Variants in SCAND3 observed in about 807,000 individuals in gnomAD.
SCAND3 encodes SCAN domain containing 3.
At chr6:28,572,047 A>G in the SCAND3 span, 27 of 1,613,952 alleles carry the variant, frequency 1.7e-5, 1 homozygote, top group Admixed American at 6.7e-5. This position sits in a 1 kb window ranked among gnomAD's most constrained non-coding sequence, Gnocchi z 4.1. Flanking sequence ...TAAAGTAGAG[A>G]ATCCGGTCTC....
At chr6:28,604,063 C>T in the SCAND3 span, among the ~76,000 whole-genome samples, 1 of 152,208 alleles carries the variant, frequency 6.6e-6, no homozygotes, top group African/African-American at 2.4e-5. Context: ...AGAAGTAGCA[C>T]AGCATCACTG....
chr6:28,593,294 A>G, the SCAND3 span, among the ~76,000 whole-genome samples: 2 of 152,218 alleles, frequency 1.3e-5, no homozygotes, highest in African/African-American at 2.4e-5. Flanking sequence ...ATGGCAATAC[A>G]TATAAAAAAA....
the SCAND3 span, chr6:28,587,025 G>A: frequency 4.4e-5 from 16 of 366,892 alleles, no homozygotes; most frequent in East Asian, 6.1e-4. Flanking sequence ...ACAGAAAACC[G>A]AGGTTATGAC....
At chr6:28,573,990 A>T in the SCAND3 span, among the ~76,000 whole-genome samples, 243 of 152,306 alleles carry the variant, frequency 1.6e-3, 9 homozygotes, top group Non-Finnish European at 4.4e-5. Context: ...AGTTTTATAC[A>T]TCTTTGGGTT....
chr6:28,596,840 G>T, the SCAND3 span, among the ~76,000 whole-genome samples: 1 of 152,034 alleles, frequency 6.6e-6, no homozygotes, highest in African/African-American at 2.4e-5. Flanking sequence ...TGTTGGGGGA[G>T]GGCAGTTTAA....
At chr6:28,605,345 A>G in the SCAND3 span, among the ~76,000 whole-genome samples, 2 of 152,208 alleles carry the variant, frequency 1.3e-5, no homozygotes, top group African/African-American at 2.4e-5. Context: ...TTGTGAGACC[A>G]GAAATGTCAC....
At chr6:28,586,732 G>C in the SCAND3 span, 1 of 1,602,870 alleles carries the variant, frequency 6.2e-7, no homozygotes, top group Non-Finnish European at 8.5e-7. The surrounding 1 kb of genome is among the most constrained non-coding windows in gnomAD (Gnocchi z 4.4). Context: ...AGCTTAGACA[G>C]CTCAGGCAAA....
At chr6:28,580,269 C>T in the SCAND3 span, among the ~76,000 whole-genome samples, 2 of 152,050 alleles carry the variant, frequency 1.3e-5, no homozygotes, top group African/African-American at 2.4e-5. Flanking sequence ...ACTTAGCCAA[C>T]ATGATGAAAC....
At chr6:28,573,354 T>C in the SCAND3 span, 23 of 1,614,028 alleles carry the variant, frequency 1.4e-5, 1 homozygote, top group South Asian at 2.5e-4. Context: ...TGATGCAGTC[T>C]TTCACTAGTG....
At chr6:28,582,313 A>G in the SCAND3 span, among the ~76,000 whole-genome samples, 1 of 152,182 alleles carries the variant, frequency 6.6e-6, no homozygotes, top group Non-Finnish European at 1.5e-5. This position sits in a 1 kb window ranked among gnomAD's most constrained non-coding sequence, Gnocchi z 4.8. Context: ...AGTGTGGCCC[A>G]AGACAATTAT....
chr6:28,602,956 ATTTTT>A, the SCAND3 span, among the ~76,000 whole-genome samples: 2 of 94,458 alleles, frequency 2.1e-5, no homozygotes, highest in African/African-American at 4.9e-5. Context: ...CCAAAAAAAA[ATTTTT>A]TTTTTTTTTT....
At chr6:28,571,795 C>G in the SCAND3 span, 5 of 1,332,940 alleles carry the variant, frequency 3.8e-6, no homozygotes, top group African/African-American at 1.5e-5. Context: ...CATAACTTCT[C>G]ATACTTCCAT....
the SCAND3 span, among the ~76,000 whole-genome samples, chr6:28,605,643 C>T: frequency 6.8e-6 from 1 of 146,720 alleles, no homozygotes; most frequent in African/African-American, 2.5e-5. Flanking sequence ...AACAGCCTGG[C>T]CAACATGGTG....
chr6:28,579,017 GA>G, the SCAND3 span, among the ~76,000 whole-genome samples: 2 of 152,180 alleles, frequency 1.3e-5, no homozygotes, highest in East Asian at 3.8e-4. This position sits in a 1 kb window ranked among gnomAD's most constrained non-coding sequence, Gnocchi z 4.5. Flanking sequence ...AGAGGTATCT[GA>G]TTTATCCACA....
At chr6:28,588,635 AAT>A in the SCAND3 span, among the ~76,000 whole-genome samples, 1 of 152,240 alleles carries the variant, frequency 6.6e-6, no homozygotes, top group Non-Finnish European at 1.5e-5. This position sits in a 1 kb window ranked among gnomAD's most constrained non-coding sequence, Gnocchi z 4.1. Context: ...ATTATGTACA[AAT>A]ATAACTGAGT....
the SCAND3 span, among the ~76,000 whole-genome samples, chr6:28,604,182 C>A: frequency 7.7e-3 from 1,173 of 152,272 alleles, 12 homozygotes; most frequent in African/African-American, 0.026. Flanking sequence ...AAAGAATTCG[C>A]AGTTGTGTTT....
At chr6:28,574,786 C>T in the SCAND3 span, 8 of 1,614,054 alleles carry the variant, frequency 5.0e-6, no homozygotes, top group East Asian at 2.2e-5. Flanking sequence ...AGTTATTTGC[C>T]GACCACAGCC....
the SCAND3 span, among the ~76,000 whole-genome samples, chr6:28,613,940 T>C: frequency 1.3e-5 from 2 of 152,030 alleles, no homozygotes; most frequent in East Asian, 3.9e-4. Flanking sequence ...ACAGGGGCGG[T>C]TTAACAATTC....
chr6:28,576,229 A>T, the SCAND3 span: 2 of 948,290 alleles, frequency 2.1e-6, no homozygotes, highest in Non-Finnish European at 3.1e-6. Context: ...TTGAGGTAGA[A>T]GTAGGGAATA....
Sources: allele counts gnomAD v4.1 joint callset (sites outside exome capture counted in the v4.1 genomes callset), GRCh38; gene constraint gnomAD v4.1.1; non-coding constraint Gnocchi (gnomAD v3.1); transcripts MANE v1.5; gene names NCBI Gene and HGNC (gene_info 2026-07-23, HGNC 2026-07-21).